SMCO2: variants seen among roughly 807,000 people sequenced by gnomAD.
SMCO2 encodes single-pass membrane and coiled-coil domain-containing protein 2.
Under a neutral mutation model 29.5 loss-of-function variants are expected in SMCO2, and 25 were observed. The observed-to-expected ratio is 0.85, with a 90% CI of 0.62 to 1.18. SMCO2 has a LOEUF of 1.18. Ranked by LOEUF, SMCO2 falls within the 50% of genes most tolerant of loss-of-function variation. The pLI is 0.00. For synonymous variants in SMCO2, 117 were observed against 123.3 expected (o/e 0.95, Z 0.34); for missense variants, 348 against 344.5 (o/e 1.01, Z -0.08).
rs556342700 is a variant in SMCO2, at chr12:27,481,520, G to GT, written c.362+6611dup. ...TTAAGATTTTCCCCGGACCTGTTTG[G>GT]TTTTCTGGCTAAGTTTGTGTAGAAG... On this transcript the variant is annotated intron_variant, in intron 4 of 7. Transcript: ENST00000298876. Among the ~76,000 whole-genome samples, 135 of 152,306 alleles carry GT rather than the reference G, an allele frequency of 8.9e-4. 1 individual carries two copies. The South Asian group carries it at 0.018, about 20-fold the overall frequency.
At chr12:27,460,646 T>C in the SMCO2 span, among the ~76,000 whole-genome samples, 1 of 151,932 alleles carries the variant, frequency 6.6e-6, no homozygotes, top group East Asian at 1.9e-4. Context: ...GTGGAGGACG[T>C]GGAAGGGAAG....
In SMCO2 at chr12:27,486,627, GC is replaced by G. The variant is rs549375865; in HGVS notation, c.363-1832del. Among the ~76,000 whole-genome samples the G allele has an allele frequency of 2.2e-4, 34 of 152,298 alleles. No homozygotes were observed. In the South Asian group the frequency reaches 6.4e-3, roughly 29 times the overall value. On this transcript the variant is annotated intron_variant, in intron 4 of 7. Transcript: ENST00000298876. ...TTTTAATGGATTTCCTTGTCTGCCT[GC>G]AAATCCACATTACATTATAATCTTC...
the SMCO2 span, among the ~76,000 whole-genome samples, chr12:27,435,097 T>C: frequency 6.6e-6 from 1 of 152,090 alleles, no homozygotes. Flanking sequence ...GGGTTTCAGA[T>C]GACTTCAGTT....
At chr12:27,496,682 A>G (rs893909906) in intron 7 of SMCO2, among the ~76,000 whole-genome samples, 4 of 150,734 alleles carry the variant, frequency 2.7e-5, no homozygotes, top group Admixed American at 6.6e-5. Flanking sequence ...CAACCCAGGT[A>G]GAATCTCAGC....
chr12:27,468,132 T>C (rs956013769), intron 1 of SMCO2, among the ~76,000 whole-genome samples: 3 of 152,122 alleles, frequency 2.0e-5, no homozygotes, highest in African/African-American at 7.2e-5. Context: ...CCCCAGACAA[T>C]AAGATAAGGC....
chr12:27,474,406 T>C (rs1395054859), intron 3 of SMCO2, among the ~76,000 whole-genome samples: 2 of 152,312 alleles, frequency 1.3e-5, no homozygotes, highest in Middle Eastern at 3.4e-3. Context: ...GGTTTTCATA[T>C]CTCTTTAGAC....
At chr12:27,483,173 G>A (rs571972128) in intron 4 of SMCO2, among the ~76,000 whole-genome samples, 7 of 152,252 alleles carry the variant, frequency 4.6e-5, no homozygotes, top group Admixed American at 1.3e-4. Context: ...GGTCAGGTTG[G>A]TTGATAGTGT....
chr12:27,484,541 G>C (rs376915084), intron 4 of SMCO2, among the ~76,000 whole-genome samples: 1 of 152,126 alleles, frequency 6.6e-6, no homozygotes, highest in Non-Finnish European at 1.5e-5. Flanking sequence ...TAAAGATGCT[G>C]TTGAAATCTG....
chr12:27,492,114 T>C (rs1380798548), intron 5 of SMCO2, among the ~76,000 whole-genome samples: 1 of 152,246 alleles, frequency 6.6e-6, no homozygotes, highest in Non-Finnish European at 1.5e-5. Context: ...AGTATATTTA[T>C]ATTCTTCCAA....
chr12:27,431,032 T>C, the SMCO2 span, among the ~76,000 whole-genome samples: 3 of 152,082 alleles, frequency 2.0e-5, no homozygotes, highest in African/African-American at 7.2e-5. Context: ...ACTATCTTTT[T>C]TTTTTTTAAG....
At chr12:27,427,686 A>G in the SMCO2 span, among the ~76,000 whole-genome samples, 1 of 152,114 alleles carries the variant, frequency 6.6e-6, no homozygotes, top group Non-Finnish European at 1.5e-5. Flanking sequence ...GGACAAGAGA[A>G]CCTCTTGTAA....
chr12:27,469,235 T>C (rs1949522003), intron 1 of SMCO2, among the ~76,000 whole-genome samples: 1 of 152,120 alleles, frequency 6.6e-6, no homozygotes, highest in Admixed American at 6.5e-5. Flanking sequence ...TGTGATGAAA[T>C]TGGCAGGCAA....
intron 7 of SMCO2, among the ~76,000 whole-genome samples, chr12:27,496,707 A>T (rs1943008908): frequency 6.6e-6 from 1 of 150,658 alleles, no homozygotes. Flanking sequence ...TCTTCAATCA[A>T]GTCCTTTGCC....
chr12:27,452,292 C>T, the SMCO2 span, among the ~76,000 whole-genome samples: 2 of 152,110 alleles, frequency 1.3e-5, no homozygotes, highest in Non-Finnish European at 2.9e-5. Context: ...TATCCATTAA[C>T]GGAATAACAT....
At chr12:27,469,590 G>A (rs564243541) in intron 1 of SMCO2, among the ~76,000 whole-genome samples, 4 of 152,214 alleles carry the variant, frequency 2.6e-5, no homozygotes, top group African/African-American at 9.6e-5. Context: ...AGGGTGCTGG[G>A]AGCCAGGCTA....
chr12:27,425,506 T>C, the SMCO2 span, among the ~76,000 whole-genome samples: 2 of 152,316 alleles, frequency 1.3e-5, no homozygotes, highest in East Asian at 3.9e-4. Context: ...TCATCAGCCT[T>C]ATCTGTCCCT....
At chr12:27,470,969 G>A (rs527960445) in intron 2 of SMCO2, among the ~76,000 whole-genome samples, 49 of 152,028 alleles carry the variant, frequency 3.2e-4, no homozygotes, top group Non-Finnish European at 5.9e-4. Flanking sequence ...CATAAACTGG[G>A]CAGATACAGA....
chr12:27,468,359 A>G (rs372343090), intron 1 of SMCO2, among the ~76,000 whole-genome samples: 2 of 151,832 alleles, frequency 1.3e-5, no homozygotes, highest in Non-Finnish European at 2.9e-5. Flanking sequence ...CAACCATTCA[A>G]TTCTCTCATT....
chr12:27,460,936 G>T, the SMCO2 span, among the ~76,000 whole-genome samples: 1 of 152,140 alleles, frequency 6.6e-6, no homozygotes, highest in African/African-American at 2.4e-5. Context: ...TCTGTGCAAG[G>T]GCATGATATG....
Sources: gnomAD v4.1 joint callset for allele counts (sites outside exome capture counted in the v4.1 genomes callset) on GRCh38, gnomAD v4.1.1 for gene constraint, MANE v1.5 for transcripts, NCBI Gene and HGNC (gene_info 2026-07-23, HGNC 2026-07-21) for gene names.